Variants in ANK3 observed in about 807,000 individuals in gnomAD.
The protein encoded by ANK3 is ankyrin 3.
In ANK3, 57 loss-of-function variants were observed where a neutral mutation model predicts 370.9. That is an observed-to-expected ratio of 0.15 (90% CI 0.12 to 0.19). The LOEUF (loss-of-function observed/expected upper bound fraction) is 0.19. ANK3 is among the 10% of genes least tolerant of loss of function. The probability of loss-of-function intolerance (pLI) is 1.00; values close to 1 mark genes in which losing one functional copy is unlikely to be tolerated. For missense variants in ANK3, 4,439 were observed against 5,302.1 expected (o/e 0.84, Z 5.06); for synonymous variants, 1,929 against 1,946.3 (o/e 0.99, Z 0.23).
At chr10:60,030,615 C>G (rs1413094435) in intron 43 of ANK3, among the ~76,000 whole-genome samples, 1 of 152,116 alleles carries the variant, frequency 6.6e-6, no homozygotes, top group Non-Finnish European at 1.5e-5. Context: ...TGGCAGGATC[C>G]AGTCAGATAG....
intron 35 of ANK3, 178 bp downstream of exon 35, chr10:60,081,970 CTT>C (rs1197836156): frequency 4.4e-6 from 2 of 456,598 alleles, no homozygotes; most frequent in South Asian, 5.1e-5. Flanking sequence ...TTTAAGTACT[CTT>C]AAGTACGTGT....
intron 2 of ANK3, among the ~76,000 whole-genome samples, chr10:60,438,583 A>G (rs2064215955): frequency 6.6e-6 from 1 of 152,208 alleles, no homozygotes; most frequent in African/African-American, 2.4e-5. Context: ...CCAGCTATTC[A>G]CAACCTCACA....
At chr10:60,279,175 A>G (rs758762540) in intron 2 of ANK3, 27 bp from the exon 3 acceptor site, 2 of 1,602,426 alleles carry the variant, frequency 1.2e-6, no homozygotes, top group South Asian at 2.2e-5. Context: ...GAAAAGCTCT[A>G]CTCAGCAGGT....
intron 2 of ANK3, among the ~76,000 whole-genome samples, chr10:60,526,123 T>C (rs556577164): frequency 2.0e-5 from 3 of 152,236 alleles, no homozygotes; most frequent in South Asian, 4.1e-4. Context: ...CCCATCCTAA[T>C]GGTATTTTTC....
intron 28 of ANK3, among the ~76,000 whole-genome samples, chr10:60,092,707 G>A (rs902470800): frequency 1.3e-5 from 2 of 152,152 alleles, no homozygotes; most frequent in African/African-American, 2.4e-5. Context: ...TCCTAGTGTA[G>A]GAAAAGAAAA....
At chr10:60,246,361 G>A (rs2132584932) in intron 7 of ANK3, among the ~76,000 whole-genome samples, 1 of 147,730 alleles carries the variant, frequency 6.8e-6, no homozygotes, top group South Asian at 2.2e-4. Flanking sequence ...AAATGAAATA[G>A]GTCTTTTTAG....
Position 60,614,899 on chromosome 10 carries a change from C to T in ANK3, c.96+287G>A, listed in dbSNP as rs77932633. Among the ~76,000 whole-genome samples the T allele has an allele frequency of 4.3e-3, 661 of 152,218 alleles. 6 individuals carry two copies. Among genetic ancestry groups the T allele is most frequent in the African/African-American group, 0.015 (606 of 41,542 alleles). On this transcript the variant is annotated intron_variant, in intron 2 of 43. Coordinates refer to the ANK3 transcript ENST00000373827. ...CTCTGTACCTGCCATTAAATCAAGC[C>T]TCAAATGCACAGCTGAGAAGCAGAT... is the stretch of plus-strand genomic sequence containing the variant.
At position 60,431,895 on chromosome 10, in the gene ANK3, T is replaced by C. The variant is rs189262915; in HGVS notation, c.97-152256A>G. ...ATTCTTCGTGGTGTCTTTGCCCTTCTGACTCATTCCTTTCCATCTGTCTGT... is the reference window on the plus strand; with the variant it reads ...ATTCTTCGTGGTGTCTTTGCCCTTCCGACTCATTCCTTTCCATCTGTCTGT... On this transcript the variant is annotated intron_variant, in intron 2 of 43. Transcript: ENST00000373827. Among the ~76,000 whole-genome samples the C allele has an allele frequency of 3.3e-5, 5 of 152,332 alleles. No homozygotes were observed. The East Asian group carries it at 9.6e-4, about 29-fold the overall frequency.
At chr10:60,192,762 T>C (rs1017214498) in intron 16 of ANK3, among the ~76,000 whole-genome samples, 11 of 152,138 alleles carry the variant, frequency 7.2e-5, no homozygotes, top group African/African-American at 2.7e-4. Flanking sequence ...TTTTGGGTGA[T>C]GGTTTCACTA....
intron 9 of ANK3, among the ~76,000 whole-genome samples, chr10:60,212,119 A>G (rs1038974207): frequency 6.6e-6 from 1 of 152,134 alleles, no homozygotes; most frequent in Non-Finnish European, 1.5e-5. Context: ...AATTAAGAAG[A>G]TTTCTCAGAA....
At chr10:60,491,411 C>T (rs577099918) in intron 2 of ANK3, among the ~76,000 whole-genome samples, 7 of 152,304 alleles carry the variant, frequency 4.6e-5, no homozygotes, top group East Asian at 3.9e-4. Flanking sequence ...AATCAAAAAC[C>T]GTGCCTCTGT....
At chr10:60,035,178 G>A (rs964182428) in intron 43 of ANK3, among the ~76,000 whole-genome samples, 1 of 152,116 alleles carries the variant, frequency 6.6e-6, no homozygotes, top group Non-Finnish European at 1.5e-5. Context: ...GAATAACCCT[G>A]AGGTACTATT....
chr10:60,489,343 G>A (rs567456493), intron 2 of ANK3, among the ~76,000 whole-genome samples: 1 of 152,098 alleles, frequency 6.6e-6, no homozygotes, highest in South Asian at 2.1e-4. Flanking sequence ...ACATAGATTA[G>A]CTTTTATGCT....
chr10:60,252,159 A>G lies in ANK3; in HGVS notation c.798+9700T>C, dbSNP rs562524758. The stretch of plus-strand genomic sequence containing the variant: ...CCTGTGCAATCCTTCAGTTCTATGA[A>G]CCCTAACCTCTACACTCTAGGTACC... On this transcript the variant is annotated intron_variant, in intron 7 of 43. Coordinates refer to ENST00000280772, the MANE Select transcript of ANK3 (RefSeq NM_020987.5). 3.3e-5 allele frequency among the ~76,000 whole-genome samples: 5 copies of G among 152,122 alleles called. 1 individual carries two copies. In the East Asian group the frequency reaches 5.8e-4, roughly 18 times the overall value.
intron 2 of ANK3, among the ~76,000 whole-genome samples, chr10:60,598,106 T>C (rs1376631350): frequency 2.6e-5 from 4 of 152,172 alleles, no homozygotes; most frequent in Admixed American, 1.3e-4. Flanking sequence ...ACTTACAGCA[T>C]CTTATTCTTT....
chr10:60,220,640 A>G (rs2097032367), intron 8 of ANK3, among the ~76,000 whole-genome samples: 1 of 152,200 alleles, frequency 6.6e-6, no homozygotes, highest in South Asian at 2.1e-4. Flanking sequence ...TCCATTGATG[A>G]CTTGGAAGAC....
At chr10:60,339,065 T>A (rs1457047732) in intron 1 of ANK3, among the ~76,000 whole-genome samples, 2 of 152,178 alleles carry the variant, frequency 1.3e-5, no homozygotes, top group African/African-American at 2.4e-5. Flanking sequence ...GTTTCTTTTC[T>A]TTGTTAGTAC....
chr10:60,643,500 A>ATATCTACCTATCTATCTATCTATC (rs370999914), intron 1 of ANK3, among the ~76,000 whole-genome samples: 36 of 146,816 alleles, frequency 2.5e-4, no homozygotes, highest in Admixed American at 9.2e-4. Context: ...ACTCCCCTTT[A>ATATCTACCTATCTATCTATCTATC]TATCTATCTA....
chr10:60,368,457 G>A (rs569326781), intron 1 of ANK3, among the ~76,000 whole-genome samples: 1 of 152,190 alleles, frequency 6.6e-6, no homozygotes, highest in Admixed American at 6.5e-5. Flanking sequence ...GTACTGAGCT[G>A]TTTGGCTTTA....
Sources: gnomAD v4.1 joint callset for allele counts (sites outside exome capture counted in the v4.1 genomes callset) on GRCh38, gnomAD v4.1.1 for gene constraint, MANE v1.5 for transcripts, NCBI Gene and HGNC (gene_info 2026-07-23, HGNC 2026-07-21) for gene names.